The following ULK4 variants were observed in gnomAD, a reference collection of about 807,000 sequenced individuals.
ULK4 encodes unc-51 like kinase 4.
Under a neutral mutation model 160.6 loss-of-function variants are expected in ULK4, and 133 were observed. The observed-to-expected ratio is 0.83, with a 90% CI of 0.72 to 0.96. The LOEUF (loss-of-function observed/expected upper bound fraction) is 0.96. Ranked by LOEUF, ULK4 falls within the 40% of genes least tolerant of loss-of-function variation. The pLI is 0.00. For synonymous variants in ULK4, 534 were observed against 539.8 expected, an observed-to-expected ratio of 0.99 and a Z score of 0.15; for missense variants, 1,580 against 1,499.5, an observed-to-expected ratio of 1.05 and a Z score of -0.89.
At chr3:41,628,848 T>C (rs1410935655) in intron 30 of ULK4, among the ~76,000 whole-genome samples, 1 of 152,194 alleles carries the variant, frequency 6.6e-6, no homozygotes, top group Non-Finnish European at 1.5e-5. Flanking sequence ...ACTTTGACTC[T>C]GTAAGGTTAA....
intron 18 of ULK4, among the ~76,000 whole-genome samples, chr3:41,821,856 C>T (rs1575766816): frequency 6.6e-6 from 1 of 152,136 alleles, no homozygotes; most frequent in Non-Finnish European, 1.5e-5. Flanking sequence ...ATATAAAAAG[C>T]TCTTGCTGAG....
At chr3:41,694,920 A>G (rs562169234) in intron 27 of ULK4, among the ~76,000 whole-genome samples, 1 of 152,324 alleles carries the variant, frequency 6.6e-6, no homozygotes, top group East Asian at 1.9e-4. Flanking sequence ...GTTCATACGC[A>G]TATGTGTTAG....
chr3:41,670,911 T>C (rs1439371999), intron 29 of ULK4, among the ~76,000 whole-genome samples: 2 of 152,084 alleles, frequency 1.3e-5, no homozygotes, highest in East Asian at 3.8e-4. Flanking sequence ...ACTCCCAAAC[T>C]ATCCCAGTTT....
intron 22 of ULK4, among the ~76,000 whole-genome samples, chr3:41,747,763 G>A (rs1398955916): frequency 6.6e-6 from 1 of 152,058 alleles, no homozygotes; most frequent in Admixed American, 6.5e-5. Context: ...AAGGCCATGC[G>A]AGGACACAGG....
intron 21 of ULK4, among the ~76,000 whole-genome samples, chr3:41,786,503 G>T (rs754087144): frequency 4.0e-5 from 6 of 151,228 alleles, no homozygotes; most frequent in Non-Finnish European, 8.8e-5. Context: ...TCAGGAGGCT[G>T]AGGTGGTCAC....
At chr3:41,524,518 C>T (rs2086043813) in intron 32 of ULK4, among the ~76,000 whole-genome samples, 2 of 152,194 alleles carry the variant, frequency 1.3e-5, no homozygotes, top group African/African-American at 2.4e-5. Context: ...CTAAAACTGG[C>T]TGTCCTTGTT....
At chr3:41,473,611 G>A (rs748931557) in intron 32 of ULK4, among the ~76,000 whole-genome samples, 11 of 137,784 alleles carry the variant, frequency 8.0e-5, no homozygotes, top group African/African-American at 1.1e-4. Context: ...GCAGTGAGCT[G>A]AGATCGCACC....
chr3:41,332,554 A>C (rs1407393174), intron 35 of ULK4, among the ~76,000 whole-genome samples: 2 of 152,252 alleles, frequency 1.3e-5, no homozygotes, highest in African/African-American at 4.8e-5. Context: ...GCAATATAAA[A>C]GTCACTTAAG....
At chr3:41,647,020 T>C (rs1226383911) in intron 30 of ULK4, among the ~76,000 whole-genome samples, 2 of 152,252 alleles carry the variant, frequency 1.3e-5, no homozygotes, top group Admixed American at 1.3e-4. Flanking sequence ...CATGTAGTTC[T>C]CGAGCCTTGG....
intron 31 of ULK4, among the ~76,000 whole-genome samples, chr3:41,566,477 A>C (rs2087787551): frequency 6.6e-6 from 1 of 152,252 alleles, no homozygotes; most frequent in Non-Finnish European, 1.5e-5. Context: ...TGATATCACA[A>C]AAGAAAACTA....
chr3:41,329,218 A>G (rs115332750), intron 35 of ULK4, among the ~76,000 whole-genome samples: 18 of 152,352 alleles, frequency 1.2e-4, no homozygotes, highest in Admixed American at 9.2e-4. Context: ...CAACGTATCA[A>G]TACTACAAAT....
At chr3:41,427,220 T>C (rs953062859) in intron 34 of ULK4, among the ~76,000 whole-genome samples, 3 of 152,060 alleles carry the variant, frequency 2.0e-5, no homozygotes, top group South Asian at 2.1e-4. Context: ...CAGGAAGAAA[T>C]TGAATCCCTG....
intron 35 of ULK4, among the ~76,000 whole-genome samples, chr3:41,275,676 C>G (rs2079217023): frequency 6.6e-6 from 1 of 152,208 alleles, no homozygotes; most frequent in Non-Finnish European, 1.5e-5. Flanking sequence ...GCTACCAGTC[C>G]TGACAAGTTG....
chr3:41,614,159 TTC>T (rs1248780931), intron 31 of ULK4, among the ~76,000 whole-genome samples: 2 of 152,184 alleles, frequency 1.3e-5, no homozygotes, highest in African/African-American at 4.8e-5. Flanking sequence ...GGTAAGAACT[TTC>T]TGTCAGCCAC....
chr3:41,390,886 C>T (rs564829132), intron 35 of ULK4, among the ~76,000 whole-genome samples: 1 of 152,036 alleles, frequency 6.6e-6, no homozygotes, highest in Admixed American at 6.6e-5. Flanking sequence ...ATTAGGTCTG[C>T]TTGGTGCAGA....
At chr3:41,863,727 C>A (rs182978868) in intron 17 of ULK4, among the ~76,000 whole-genome samples, 166 of 151,968 alleles carry the variant, frequency 1.1e-3, no homozygotes, top group African/African-American at 3.9e-3. Flanking sequence ...CCAGGGTGTT[C>A]TAGAAATACC....
intron 30 of ULK4, among the ~76,000 whole-genome samples, chr3:41,619,161 A>G (rs2033122975): frequency 6.6e-6 from 1 of 152,040 alleles, no homozygotes; most frequent in Non-Finnish European, 1.5e-5. Context: ...AGAGAAGCAG[A>G]CTCCCAATAA....
intron 18 of ULK4, among the ~76,000 whole-genome samples, chr3:41,832,826 T>G (rs2041635362): frequency 6.6e-6 from 1 of 152,216 alleles, no homozygotes; most frequent in South Asian, 2.1e-4. Context: ...GTCAGGTTTG[T>G]TGAAAATCAG....
Position 41,459,121 on chromosome 3 carries a change from G to A in ULK4, c.3394-3526C>T, listed in dbSNP as rs542969612. On this transcript the variant is annotated intron_variant, in intron 33 of 36. Transcript: ENST00000301831. ...GGCTGGAGTGCAGTGGCGTGATCTC[G>A]GTTCACTGAAACCTCCGCCTCCCAG... Among the ~76,000 whole-genome samples the A allele has an allele frequency of 1.8e-4, 28 of 152,174 alleles. No individual in the cohort carries two copies. The East Asian group carries it at 3.3e-3, about 18-fold the overall frequency.
Sources: gnomAD v4.1 joint callset for allele counts (sites outside exome capture counted in the v4.1 genomes callset) on GRCh38, gnomAD v4.1.1 for gene constraint, MANE v1.5 for transcripts, NCBI Gene and HGNC (gene_info 2026-07-23, HGNC 2026-07-21) for gene names.